Variants in CC2D2A observed in about 807,000 individuals in gnomAD.
CC2D2A encodes the protein coiled-coil and C2 domain-containing protein 2A.
CC2D2A carries 155 observed loss-of-function variants against 212.9 expected under a neutral mutation model. That is an observed-to-expected ratio of 0.73 (90% CI 0.64 to 0.83). CC2D2A has a LOEUF of 0.83. Among genes scored for constraint, CC2D2A ranks in the 40% least tolerant of loss-of-function variants. CC2D2A has a pLI of 0.00. For missense variants in CC2D2A, 1,856 were observed against 1,956.2 expected, an observed-to-expected ratio of 0.95 and a Z score of 0.97; for synonymous variants, 667 against 686.5, an observed-to-expected ratio of 0.97 and a Z score of 0.44.
intron 4 of CC2D2A, among the ~76,000 whole-genome samples, chr4:15,490,329 G>A (rs1715227165): frequency 6.6e-6 from 1 of 152,252 alleles, no homozygotes; most frequent in East Asian, 1.9e-4. Flanking sequence ...GACAAACACT[G>A]ATCTGTTTTC....
chr4:15,500,101 GTGTGTGTATATATATATA>G (rs1364270423), intron 4 of CC2D2A, among the ~76,000 whole-genome samples: 1,095 of 71,130 alleles, frequency 0.015, 24 homozygotes, highest in African/African-American at 0.044. Flanking sequence ...GTGTGTGTGT[GTGTGTGTATATATATATA>G]TATATATATA....
chr4:15,553,476 C>G (rs948724260), intron 19 of CC2D2A, among the ~76,000 whole-genome samples, 171 bp downstream of exon 19: 3 of 152,136 alleles, frequency 2.0e-5, no homozygotes, highest in Non-Finnish European at 4.4e-5. Context: ...ATAATAACCT[C>G]TAGTCCAAAA....
intron 33 of CC2D2A, among the ~76,000 whole-genome samples, chr4:15,592,019 G>C (rs1192082236): frequency 1.3e-5 from 2 of 152,116 alleles, no homozygotes; most frequent in Admixed American, 1.3e-4. Flanking sequence ...ACCTCCTCCT[G>C]GCTTTGTTGT....
At chr4:15,488,846 G>A (rs145047566) in intron 4 of CC2D2A, among the ~76,000 whole-genome samples, 11 of 152,334 alleles carry the variant, frequency 7.2e-5, no homozygotes, top group East Asian at 1.9e-4. Context: ...CTAATGAACC[G>A]CACCAGAAAC....
At chr4:15,481,368 A>AG in intron 4 of CC2D2A, 2 of 362,652 alleles carry the variant, frequency 5.5e-6, no homozygotes, top group Non-Finnish European at 1.1e-5. Flanking sequence ...AAAATTAGCC[A>AG]GGCGTGGTGG....
At chr4:15,574,050 T>A in intron 28 of CC2D2A, 100 bp from the exon 29 acceptor site, 1 of 990,626 alleles carries the variant, frequency 1.0e-6, no homozygotes, top group Non-Finnish European at 1.5e-6. Context: ...GTCTGAGCAA[T>A]TTTGGTTCAA....
intron 4 of CC2D2A, chr4:15,481,186 T>C (rs1560142533): frequency 2.2e-6 from 1 of 457,462 alleles, no homozygotes; most frequent in Non-Finnish European, 4.4e-6. Flanking sequence ...TCTTGCTCTG[T>C]TCACTCACAG....
chr4:15,470,415 A>C (rs1194346658), intron 1 of CC2D2A, among the ~76,000 whole-genome samples: 1 of 152,156 alleles, frequency 6.6e-6, no homozygotes, highest in Non-Finnish European at 1.5e-5. Context: ...TAATTACTGC[A>C]AAATACACTT....
chr4:15,525,715 A>C (rs1268285389), intron 11 of CC2D2A, among the ~76,000 whole-genome samples: 1 of 152,234 alleles, frequency 6.6e-6, no homozygotes, highest in East Asian at 1.9e-4. Context: ...TACTGTGTTC[A>C]TAATAGTTCT....
intron 8 of CC2D2A, among the ~76,000 whole-genome samples, chr4:15,514,161 T>G (rs1716727493): frequency 6.6e-6 from 1 of 152,212 alleles, no homozygotes; most frequent in African/African-American, 2.4e-5. Flanking sequence ...TGCTTAGAGG[T>G]AAACTCCATT....
intron 26 of CC2D2A, 148 bp from the exon 27 acceptor site, chr4:15,569,145 G>C: frequency 1.6e-6 from 1 of 612,506 alleles, no homozygotes; most frequent in East Asian, 2.8e-5. Flanking sequence ...TAGTATCCCT[G>C]TACAAGAGAA....
chr4:15,479,112 T>C (rs1373240381), intron 3 of CC2D2A: 8 of 801,874 alleles, frequency 1.0e-5, no homozygotes, highest in Non-Finnish European at 1.7e-5. Flanking sequence ...GTTTTAGTGC[T>C]TCATTGAAGG....
intron 6 of CC2D2A, among the ~76,000 whole-genome samples, chr4:15,507,760 G>A (rs748101120): frequency 6.6e-6 from 1 of 152,220 alleles, no homozygotes; most frequent in Non-Finnish European, 1.5e-5. Context: ...TGGGCTTGGA[G>A]AACGTAACAG....
chr4:15,555,168 C>T lies in CC2D2A; in HGVS notation c.2583C>T (p.Asp861=), dbSNP rs370738849. 1 of 1,613,796 alleles carries T rather than the reference C, an allele frequency of 6.2e-7. No homozygotes were observed. Among genetic ancestry groups the T allele is most frequent in the African/African-American group, 1.3e-5 (1 of 74,910 alleles). ...AGTGGGCAGCAGAGTCCAAGCTCGA[C>T]CCAAATGACCCCAACAATGCCCCTT... ...LAKWAAESKL[D]PNDPNNAPLM... is the part of the protein sequence containing the mutation. Residue 861 remains aspartate (D), a synonymous_variant, in exon 20 of 37, where the codon GAC becomes GAT. Transcript: ENST00000424120.
At chr4:15,555,021 C>T in intron 19 of CC2D2A, 51 bp from the exon 20 acceptor site, 1 of 1,568,110 alleles carries the variant, frequency 6.4e-7, no homozygotes, top group Non-Finnish European at 8.7e-7. Flanking sequence ...GGTCCTGATG[C>T]AAACTGTTCT....
At position 15,589,694 on chromosome 4, in the gene CC2D2A, T is replaced by G; in HGVS notation, c.4314+15T>G. On this transcript the variant is annotated intron_variant, in intron 33 of 36. Transcript: ENST00000424120. The stretch of plus-strand genomic sequence containing the variant: ...GTCCTGACAATGTAAGTATTAACAT[T>G]TCTTCTTAAATATGGTTAGCTGTCG... 1 of 1,460,068 alleles carries G rather than the reference T, an allele frequency of 6.8e-7. No homozygotes were observed. The highest frequency in any genetic ancestry group is 1.7e-5 in the South Asian group (1 of 59,712). The allele number at this position is 1,460,068 out of a possible 1,614,324, so 90.4% of individuals were successfully genotyped here.
chr4:15,507,596 G>A (rs914897886), intron 6 of CC2D2A, among the ~76,000 whole-genome samples: 2 of 152,160 alleles, frequency 1.3e-5, no homozygotes, highest in Non-Finnish European at 2.9e-5. Flanking sequence ...CTGAAAATCA[G>A]CTGACAAAAG....
chr4:15,572,430 T>C (rs969452101), intron 28 of CC2D2A, among the ~76,000 whole-genome samples: 1 of 152,146 alleles, frequency 6.6e-6, no homozygotes, highest in Admixed American at 6.6e-5. Context: ...AATGACTTTA[T>C]TACTTCTGTC....
chr4:15,599,626 CCT>C lies in CC2D2A; in HGVS notation c.4597_4598del (p.Leu1533ValfsTer12), dbSNP rs794729226. The C allele has an allele frequency of 5.0e-6, 8 of 1,613,176 alleles. No individual in the cohort carries two copies. Among genetic ancestry groups the C allele is most frequent in the Non-Finnish European group, 5.9e-6 (7 of 1,179,428 alleles). Reference protein sequence around the residue: ...YCTSTLRHFLPLLEKSQGEDV... With the variant: ...YCTSTLRHFLXLLEKSQGEDV... Reference sequence around the variant, plus strand: ...TACCTCTACTCTGCGTCACTTCTTGCCTCTGTTAGAAAAAAGTCAAGGAGAAG... The same window carrying C: ...TACCTCTACTCTGCGTCACTTCTTGCCTGTTAGAAAAAAGTCAAGGAGAAG... On this transcript the variant is annotated frameshift_variant, in exon 36 of 37. Coordinates refer to ENST00000424120, the MANE Select transcript of CC2D2A (RefSeq NM_001378615.1). LOFTEE classifies it high-confidence loss of function.
Sources: gnomAD v4.1 joint callset for allele counts (sites outside exome capture counted in the v4.1 genomes callset) on GRCh38, gnomAD v4.1.1 for gene constraint, MANE v1.5 for transcripts, NCBI Gene and HGNC (gene_info 2026-07-23, HGNC 2026-07-21) for gene names.